Variants in SRP68 observed in about 807,000 individuals in gnomAD.
SRP68 encodes signal recognition particle 68.
A neutral mutation model predicts 82.2 loss-of-function variants in SRP68; 15 were observed. That is an observed-to-expected ratio of 0.18 (90% CI 0.12 to 0.28). SRP68 has a LOEUF of 0.28. Among genes scored for constraint, SRP68 ranks in the 10% least tolerant of loss-of-function variants. SRP68 has a pLI of 1.00. For synonymous variants in SRP68, 261 were observed against 292.6 expected (o/e 0.89, Z 1.10); for missense variants, 595 against 780.5 (o/e 0.76, Z 2.83).
chr17:76,048,073 A>T lies in SRP68; in HGVS notation c.1078-103T>A, dbSNP rs919203855. 7.1e-6 allele frequency: 4 copies of T among 563,376 alleles called. No individual in the cohort carries two copies. In the African/African-American group the frequency reaches 7.8e-5, roughly 11 times the overall value. 34.9% of individuals were successfully genotyped at this position (563,376 alleles called of 1,614,324 possible). On this transcript the variant is annotated intron_variant, in intron 9 of 15. Coordinates refer to ENST00000307877, the MANE Select transcript of SRP68 (RefSeq NM_014230.4). ...TCTCCAAAGTGCCCTGAACATAGAC[A>T]CAAACTCTAGTAAGACAGGAGTCCT...
chr17:76,051,179 T>C (rs894251921), intron 8 of SRP68, among the ~76,000 whole-genome samples: 6 of 152,222 alleles, frequency 3.9e-5, no homozygotes, highest in African/African-American at 1.2e-4. Context: ...TTTTAGGACA[T>C]ACAAGGTTGA....
intron 4 of SRP68, among the ~76,000 whole-genome samples, 167 bp downstream of exon 4, chr17:76,063,808 CT>C (rs1320973462): frequency 8.5e-5 from 13 of 152,064 alleles, no homozygotes; most frequent in Admixed American, 8.5e-4. Context: ...AAATCAAGAG[CT>C]GATAAACAAA....
chr17:76,071,239 T>G lies in SRP68; in HGVS notation c.185-795A>C, dbSNP rs2066850924. Among the ~76,000 whole-genome samples the G allele has an allele frequency of 6.6e-6, 1 of 152,228 alleles. No individual in the cohort carries two copies. The highest frequency in any genetic ancestry group is 2.1e-4 in the South Asian group (1 of 4,834). ...ACAGCTGTGATGCTTAGAGAGTCTA[T>G]GATTAGCACATGTCAACCAAGCTAG... On this transcript the variant is annotated intron_variant, in intron 1 of 15. Transcript: ENST00000307877. This position sits in a 1 kb window ranked among gnomAD's most constrained non-coding sequence, Gnocchi z 4.7.
chr17:76,064,840 CAA>C (rs11329369), intron 3 of SRP68, among the ~76,000 whole-genome samples: 89 of 83,506 alleles, frequency 1.1e-3, no homozygotes, highest in East Asian at 6.8e-3. Flanking sequence ...GACTCCATCT[CAA>C]AAAAAAAAAA....
intron 8 of SRP68, among the ~76,000 whole-genome samples, chr17:76,054,836 C>T (rs2066701112): frequency 6.6e-6 from 1 of 151,580 alleles, no homozygotes; most frequent in Non-Finnish European, 1.5e-5. Flanking sequence ...TAGTATAATT[C>T]CAGCAAGGGA....
chr17:76,063,711 A>G (rs1485331375), intron 4 of SRP68, among the ~76,000 whole-genome samples: 1 of 151,368 alleles, frequency 6.6e-6, no homozygotes, highest in Non-Finnish European at 1.5e-5. Flanking sequence ...AAAAAGTTAC[A>G]GCTAGTTATA....
chr17:76,045,426 A>C, intron 11 of SRP68, 40 bp from the exon 12 acceptor site: 1 of 1,475,614 alleles, frequency 6.8e-7, no homozygotes, highest in South Asian at 1.2e-5. Flanking sequence ...TGAAGAGTAG[A>C]TCTTAGGTTG....
chr17:76,052,295 G>A (rs955814575), intron 8 of SRP68, among the ~76,000 whole-genome samples: 1 of 152,172 alleles, frequency 6.6e-6, no homozygotes, highest in Admixed American at 6.5e-5. Context: ...CCCCAGGTTG[G>A]CAAGATTCTT....
chr17:76,057,736 G>A (rs944206485), intron 7 of SRP68, among the ~76,000 whole-genome samples, 193 bp from the exon 8 acceptor site: 3 of 146,678 alleles, frequency 2.0e-5, no homozygotes, highest in Non-Finnish European at 3.0e-5. Flanking sequence ...GTGCAGTGGC[G>A]CTATCTAGGC....
In SRP68 at chr17:76,072,249, C is replaced by T; in HGVS notation, c.184+59G>A. ...GTCGGGACCCGCCGCCTCTCCCGCC[C>T]CCAGCCCTCCAGTTCGACACGTAAT... On this transcript the variant is annotated intron_variant, in intron 1 of 15. Coordinates refer to ENST00000307877, the MANE Select transcript of SRP68 (RefSeq NM_014230.4). This position sits in a 1 kb window ranked among gnomAD's most constrained non-coding sequence, Gnocchi z 4.5. 5.0e-6 allele frequency: 8 copies of T among 1,601,630 alleles called. No individual in the cohort carries two copies. Among genetic ancestry groups the T allele is most frequent in the Non-Finnish European group, 6.0e-6 (7 of 1,176,400 alleles).
At chr17:76,055,805 TTC>T (rs1491024190) in intron 8 of SRP68, among the ~76,000 whole-genome samples, 5 of 135,064 alleles carry the variant, frequency 3.7e-5, no homozygotes, top group Non-Finnish European at 7.6e-5. Flanking sequence ...CTTTTTTTTC[TTC>T]TTTTTTTTTT....
intron 8 of SRP68, among the ~76,000 whole-genome samples, chr17:76,056,074 A>G (rs1287450281): frequency 6.6e-6 from 1 of 151,960 alleles, no homozygotes; most frequent in African/African-American, 2.4e-5. Flanking sequence ...CCGCTTCTCA[A>G]AGCACTAGGA....
chr17:76,052,803 C>CAA (rs1235799698), intron 8 of SRP68, among the ~76,000 whole-genome samples: 13 of 76,330 alleles, frequency 1.7e-4, no homozygotes, highest in Non-Finnish European at 2.1e-4. Flanking sequence ...GACTCCATCT[C>CAA]AAAAAAAAAA....
chr17:76,054,748 G>A (rs561449090), intron 8 of SRP68, among the ~76,000 whole-genome samples: 12 of 151,818 alleles, frequency 7.9e-5, no homozygotes, highest in East Asian at 2.0e-4. Flanking sequence ...ACTTGAACCC[G>A]GGACACGGAG....
Position 76,066,102 on chromosome 17 carries a change from A to G in SRP68, c.365+1115T>C, listed in dbSNP as rs1020062612. Among the ~76,000 whole-genome samples, 6 of 152,046 alleles carry G rather than the reference A, an allele frequency of 3.9e-5. 1 individual carries two copies. Among genetic ancestry groups the G allele is most frequent in the Admixed American group, 3.9e-4 (6 of 15,232 alleles). On this transcript the variant is annotated intron_variant, in intron 3 of 15. Coordinates refer to ENST00000307877, the MANE Select transcript of SRP68 (RefSeq NM_014230.4). ...TTGCCTGACAGACTAAAAATTCTTC[A>G]GCAAATGCCAAGCACTGGTGTATTC... is the stretch of plus-strand genomic sequence containing the variant.
chr17:76,045,473 G>T, intron 11 of SRP68, 87 bp from the exon 12 acceptor site: 4 of 995,890 alleles, frequency 4.0e-6, no homozygotes, highest in Non-Finnish European at 5.7e-6. Flanking sequence ...ACGGACAAGA[G>T]TGAGGAAAAA....
chr17:76,062,637 T>A (rs1470196284), intron 4 of SRP68, among the ~76,000 whole-genome samples: 1 of 72,488 alleles, frequency 1.4e-5, no homozygotes, highest in Non-Finnish European at 2.1e-5. Context: ...CATTATATAT[T>A]ATATAATATA....
intron 8 of SRP68, among the ~76,000 whole-genome samples, chr17:76,052,576 G>A (rs192573121): frequency 1.9e-3 from 292 of 152,032 alleles, no homozygotes; most frequent in African/African-American, 6.5e-3. Context: ...AGGCTGAGGC[G>A]GGCGGATCAC....
At chr17:76,046,470 A>AC (rs371959267) in intron 10 of SRP68, among the ~76,000 whole-genome samples, 1,196 of 103,788 alleles carry the variant, frequency 0.012, 21 homozygotes, top group African/African-American at 0.075. Flanking sequence ...CAGTGGAAAA[A>AC]AAAAAAAAAA....
Sources: allele counts gnomAD v4.1 joint callset (sites outside exome capture counted in the v4.1 genomes callset), GRCh38; gene constraint gnomAD v4.1.1; non-coding constraint Gnocchi (gnomAD v3.1); transcripts MANE v1.5; gene names NCBI Gene and HGNC (gene_info 2026-07-23, HGNC 2026-07-21).